ALK: variants seen among roughly 807,000 people sequenced by gnomAD.
The protein encoded by ALK is ALK tyrosine kinase receptor.
In ALK, 74 loss-of-function variants were observed where a neutral mutation model predicts 163.1. That is an observed-to-expected ratio of 0.45 (90% CI 0.38 to 0.55). The LOEUF (loss-of-function observed/expected upper bound fraction) is 0.55. ALK is among the 20% of genes least tolerant of loss of function. ALK has a pLI of 0.00. For synonymous variants in ALK, 960 were observed against 843.2 expected (o/e 1.14, Z -2.40); for missense variants, 2,063 against 2,105.3 (o/e 0.98, Z 0.39).
rs566039859 is a variant in ALK, at chr2:29,294,851, C to G, written c.1817+2037G>C. 5.9e-5 allele frequency among the ~76,000 whole-genome samples: 9 copies of G among 152,322 alleles called. No homozygotes were observed. The South Asian group carries it at 1.5e-3, about 25-fold the overall frequency. ...GCACTATTTGATTCCAAAGCCTCTG[C>G]CCTTTCATCTAGAGTGCTTCTTTGG... On this transcript the variant is annotated intron_variant, in intron 9 of 28. Transcript: ENST00000389048.
intron 3 of ALK, among the ~76,000 whole-genome samples, chr2:29,594,387 C>T (rs1675142795): frequency 6.6e-6 from 1 of 150,434 alleles, no homozygotes; most frequent in Non-Finnish European, 1.5e-5. Context: ...AACATTTACA[C>T]TATGAGTATA....
rs188231018 is a variant in ALK at position 29,678,403 on chromosome 2, C to G, written c.952+16447G>C. ...AAAAACTTAGGTTATAGATTTGAGACTTTACTCTTTTTCTAATATAGGCAT... is the reference window on the plus strand; with the variant it reads ...AAAAACTTAGGTTATAGATTTGAGAGTTTACTCTTTTTCTAATATAGGCAT... On this transcript the variant is annotated intron_variant, in intron 3 of 28. Coordinates refer to ENST00000389048, the MANE Select transcript of ALK (RefSeq NM_004304.5). 3.7e-3 allele frequency among the ~76,000 whole-genome samples: 563 copies of G among 151,574 alleles called. 4 individuals carry two copies. The highest frequency in any genetic ancestry group is 4.8e-3 in the Non-Finnish European group (322 of 67,730).
At chr2:29,747,905 A>G (rs1042431661) in intron 1 of ALK, among the ~76,000 whole-genome samples, 1 of 152,130 alleles carries the variant, frequency 6.6e-6, no homozygotes, top group African/African-American at 2.4e-5. Flanking sequence ...ACCTCAACTC[A>G]CACTAAGGTA....
At chr2:29,782,421 C>T (rs930494649) in intron 1 of ALK, among the ~76,000 whole-genome samples, 5 of 152,182 alleles carry the variant, frequency 3.3e-5, no homozygotes, top group African/African-American at 1.2e-4. Flanking sequence ...AGCCCTCACA[C>T]TTCCAGGGGC....
Position 29,335,525 on chromosome 2 carries a change from T to G in ALK, c.1283-7044A>C, listed in dbSNP as rs188024425. ...CTACAGAAGGTAACCAGTGACTTAC[T>G]GGGTACTTTGCAAGTGGTCTCACAG... On this transcript the variant is annotated intron_variant, in intron 5 of 28. Coordinates refer to ENST00000389048, the MANE Select transcript of ALK (RefSeq NM_004304.5). Among the ~76,000 whole-genome samples the G allele has an allele frequency of 2.9e-3, 447 of 152,298 alleles. 1 individual carries two copies. Among genetic ancestry groups the G allele is most frequent in the Admixed American group, 5.3e-3 (81 of 15,306 alleles).
At position 29,543,034 on chromosome 2, in the gene ALK, CTCTTT is replaced by C. The variant is rs199761740; in HGVS notation, c.953-10923_953-10919del. Reference sequence around the variant, plus strand: ...TTTATATATATTGATCTTTCTTTTTCTCTTTTCTTCTTCTTTTAACAGAAGAAAAA... The same window carrying C: ...TTTATATATATTGATCTTTCTTTTTCTCTTCTTCTTTTAACAGAAGAAAAA... On this transcript the variant is annotated intron_variant, in intron 3 of 28. Coordinates refer to ENST00000389048, the MANE Select transcript of ALK (RefSeq NM_004304.5). 5.5e-4 allele frequency among the ~76,000 whole-genome samples: 83 copies of C among 151,916 alleles called. No homozygotes were observed. In the East Asian group the frequency reaches 0.013, roughly 23 times the overall value.
At chr2:29,865,281 G>A (rs189373205) in intron 1 of ALK, among the ~76,000 whole-genome samples, 1 of 152,118 alleles carries the variant, frequency 6.6e-6, no homozygotes, top group Non-Finnish European at 1.5e-5. Flanking sequence ...ATTCCTACTA[G>A]CTCCAGCTAA....
At chr2:29,551,403 T>G (rs1673710364) in intron 3 of ALK, among the ~76,000 whole-genome samples, 1 of 152,116 alleles carries the variant, frequency 6.6e-6, no homozygotes, top group Non-Finnish European at 1.5e-5. Context: ...ACTGTGCTTA[T>G]ATATATATTT....
At chr2:29,554,887 G>C (rs1673806612) in intron 3 of ALK, among the ~76,000 whole-genome samples, 1 of 152,124 alleles carries the variant, frequency 6.6e-6, no homozygotes, top group African/African-American at 2.4e-5. Context: ...GACGAGAGTG[G>C]CCTCTGGCCA....
chr2:29,649,421 T>C (rs1440819655), intron 3 of ALK, among the ~76,000 whole-genome samples: 1 of 152,166 alleles, frequency 6.6e-6, no homozygotes, highest in Non-Finnish European at 1.5e-5. Flanking sequence ...TGTTGATCCT[T>C]GGTTGTTCTT....
At chr2:29,783,545 C>T (rs141520079) in intron 1 of ALK, among the ~76,000 whole-genome samples, 8 of 152,246 alleles carry the variant, frequency 5.3e-5, no homozygotes, top group Middle Eastern at 3.4e-3. Context: ...ACTATCCATG[C>T]TGAGTGACTG....
chr2:29,701,251 C>A (rs1420953652), intron 2 of ALK, among the ~76,000 whole-genome samples: 4 of 152,186 alleles, frequency 2.6e-5, no homozygotes. Flanking sequence ...GCCTGTTAAC[C>A]CAGAGACTAG....
chr2:29,470,483 G>A (rs1259920934), intron 4 of ALK, among the ~76,000 whole-genome samples: 1 of 152,160 alleles, frequency 6.6e-6, no homozygotes, highest in African/African-American at 2.4e-5. Flanking sequence ...AAAATAGCCA[G>A]AGAGGAAAAG....
At chr2:29,471,272 A>AT (rs1423104583) in intron 4 of ALK, among the ~76,000 whole-genome samples, 2 of 152,170 alleles carry the variant, frequency 1.3e-5, no homozygotes, top group Non-Finnish European at 2.9e-5. Context: ...AAAAACAAAG[A>AT]TTTTCTGTCT....
Position 29,597,894 on chromosome 2 carries a change from C to T in ALK, c.953-65778G>A, listed in dbSNP as rs180692400. ...GGGTACAGAGGAGAGGAGCAGAGCA[C>T]CCATGTGCCTGAGGAGAGTGTGGGC... On this transcript the variant is annotated intron_variant, in intron 3 of 28. Coordinates refer to ENST00000389048, the MANE Select transcript of ALK (RefSeq NM_004304.5). 7.9e-5 allele frequency among the ~76,000 whole-genome samples: 12 copies of T among 152,226 alleles called. No homozygotes were observed. The East Asian group carries it at 2.3e-3, about 29-fold the overall frequency.
At chr2:29,257,441 A>G (rs1359293975) in intron 11 of ALK, among the ~76,000 whole-genome samples, 1 of 152,192 alleles carries the variant, frequency 6.6e-6, no homozygotes, top group African/African-American at 2.4e-5. Flanking sequence ...CCAAGAAGAA[A>G]CAAATCAATT....
chr2:29,463,676 C>T (rs1671138315), intron 4 of ALK, among the ~76,000 whole-genome samples: 1 of 152,184 alleles, frequency 6.6e-6, no homozygotes, highest in Non-Finnish European at 1.5e-5. Context: ...AAACCAAACA[C>T]AGCTTGGTGA....
intron 1 of ALK, among the ~76,000 whole-genome samples, chr2:29,780,175 G>T (rs1681294569): frequency 6.6e-6 from 1 of 152,186 alleles, no homozygotes. Context: ...CAAAATTTTT[G>T]AGGGCCATTT....
chr2:29,731,037 C>T (rs1679728889), intron 1 of ALK, among the ~76,000 whole-genome samples: 1 of 152,150 alleles, frequency 6.6e-6, no homozygotes, highest in Non-Finnish European at 1.5e-5. Flanking sequence ...TCAAACAAAG[C>T]AGGTGGCATG....
Sources: gnomAD v4.1 joint callset for allele counts (sites outside exome capture counted in the v4.1 genomes callset) on GRCh38, gnomAD v4.1.1 for gene constraint, MANE v1.5 for transcripts, NCBI Gene and HGNC (gene_info 2026-07-23, HGNC 2026-07-21) for gene names.